BORCS5: variants seen among roughly 807,000 people sequenced by gnomAD.
The protein encoded by BORCS5 is BLOC-1-related complex subunit 5.
In BORCS5, 17 loss-of-function variants were observed where a neutral mutation model predicts 22.1. The observed-to-expected ratio is 0.77, with a 90% CI of 0.53 to 1.15. The LOEUF (loss-of-function observed/expected upper bound fraction) is 1.15. Ranked by LOEUF, BORCS5 falls within the 50% of genes most tolerant of loss-of-function variation. BORCS5 has a pLI of 0.00. For missense variants in BORCS5, 247 were observed against 253.2 expected (o/e 0.98, Z 0.17); for synonymous variants, 117 against 99.8 (o/e 1.17, Z -1.03).
intron 2 of BORCS5, among the ~76,000 whole-genome samples, chr12:12,385,899 T>C (rs2136050111): frequency 6.6e-6 from 1 of 151,592 alleles, no homozygotes; most frequent in Middle Eastern, 3.4e-3. Flanking sequence ...GAATTATGTT[T>C]GAATGGTATG....
chr12:12,426,780 T>A (rs866807238), intron 2 of BORCS5, among the ~76,000 whole-genome samples: 30 of 152,346 alleles, frequency 2.0e-4, no homozygotes, highest in Middle Eastern at 3.4e-3. Context: ...ATTGTCCAGA[T>A]TCACACAGCT....
intron 2 of BORCS5, among the ~76,000 whole-genome samples, chr12:12,422,392 TC>T (rs138511804): frequency 0.24 from 35,797 of 151,956 alleles, 4,728 homozygotes; most frequent in African/African-American, 0.37. Flanking sequence ...GGCAGGCAGA[TC>T]ACCTGAGGTC....
chr12:12,362,694 C>T (rs1393902865), intron 2 of BORCS5, among the ~76,000 whole-genome samples: 4 of 125,648 alleles, frequency 3.2e-5, no homozygotes, highest in African/African-American at 1.2e-4. Context: ...GGCTGGAGTG[C>T]AATGGCTTGA....
At chr12:12,412,251 T>C (rs532264578) in intron 2 of BORCS5, among the ~76,000 whole-genome samples, 1 of 152,306 alleles carries the variant, frequency 6.6e-6, no homozygotes, top group African/African-American at 2.4e-5. Flanking sequence ...TCAATGACTA[T>C]GGGGTGTCTT....
At chr12:12,431,988 C>G (rs1254076506) in intron 2 of BORCS5, among the ~76,000 whole-genome samples, 4 of 152,152 alleles carry the variant, frequency 2.6e-5, no homozygotes, top group African/African-American at 9.7e-5. Flanking sequence ...GCCACTGTGC[C>G]CAGCCTTATT....
At chr12:12,457,485 C>T (rs941477700) in intron 3 of BORCS5, among the ~76,000 whole-genome samples, 21 of 152,156 alleles carry the variant, frequency 1.4e-4, no homozygotes, top group East Asian at 5.8e-4. Context: ...CTGGCTAACA[C>T]GGTGAAACCC....
chr12:12,373,210 C>T (rs1038642973), intron 2 of BORCS5, among the ~76,000 whole-genome samples: 3 of 152,202 alleles, frequency 2.0e-5, no homozygotes, highest in Non-Finnish European at 2.9e-5. Flanking sequence ...CATTTGCAAA[C>T]CAGGAAGAGT....
intron 3 of BORCS5, among the ~76,000 whole-genome samples, chr12:12,464,728 GAGA>G (rs893790528): frequency 2.0e-5 from 3 of 152,134 alleles, no homozygotes; most frequent in Admixed American, 6.5e-5. Context: ...GTAAGGGGAA[GAGA>G]AGAAGTCACG....
chr12:12,421,117 T>A (rs1942111144), intron 2 of BORCS5, among the ~76,000 whole-genome samples: 1 of 152,182 alleles, frequency 6.6e-6, no homozygotes, highest in Non-Finnish European at 1.5e-5. Context: ...GGAGCATTCT[T>A]GTCTTGTGCC....
chr12:12,452,593 C>T (rs575725058), intron 3 of BORCS5: 5 of 326,050 alleles, frequency 1.5e-5, no homozygotes, highest in Non-Finnish European at 6.0e-6. Context: ...CCCTCCCGCA[C>T]GCCGGCAAGA....
intron 3 of BORCS5, among the ~76,000 whole-genome samples, chr12:12,463,203 G>A (rs1032727620): frequency 1.3e-5 from 2 of 152,192 alleles, no homozygotes; most frequent in South Asian, 2.1e-4. Context: ...CTGGGGGTTC[G>A]TGGAGTAAAG....
At chr12:12,441,331 G>T (rs2136133061) in intron 3 of BORCS5, among the ~76,000 whole-genome samples, 1 of 152,298 alleles carries the variant, frequency 6.6e-6, no homozygotes, top group Middle Eastern at 3.4e-3. Context: ...GTAAACTCCA[G>T]AGCCACACTG....
At position 12,357,492 on chromosome 12, in the gene BORCS5, A is replaced by G. The variant is rs200838324; in HGVS notation, c.41A>G (p.Asn14Ser). The change falls in exon 1 of 4, where the codon AAC becomes AGC. Residue 14 changes from asparagine to serine, a missense_variant. Asn to Ser is a conservative substitution (Grantham distance 46, BLOSUM62 1). Coordinates refer to ENST00000314565, the MANE Select transcript of BORCS5 (RefSeq NM_058169.6). ...AGCTCCGAGGCCGAGAGCCGACCCA[A>G]CGATCTGAACTCCTCAGGTCGGTGT... ...EQSSEAESRP[N>S]DLNSSVTPSP... The G allele has an allele frequency of 8.7e-6, 14 of 1,611,256 alleles. No individual in the cohort carries two copies. The highest frequency in any genetic ancestry group is 6.7e-5 in the African/African-American group (5 of 74,906).
intron 3 of BORCS5, among the ~76,000 whole-genome samples, chr12:12,459,001 G>A (rs1943053003): frequency 6.6e-6 from 1 of 151,686 alleles, no homozygotes; most frequent in African/African-American, 2.4e-5. Context: ...GAGAGAGATA[G>A]TCTCCTGCCT....
intron 2 of BORCS5, among the ~76,000 whole-genome samples, chr12:12,411,340 C>T (rs550931778): frequency 2.0e-5 from 3 of 152,150 alleles, no homozygotes; most frequent in South Asian, 2.1e-4. Flanking sequence ...TTGTCCATTC[C>T]GTATCACATT....
chr12:12,395,435 A>ATTTTTTTTTTTTTTTTTTT (rs59277387), intron 2 of BORCS5, among the ~76,000 whole-genome samples: 13 of 107,858 alleles, frequency 1.2e-4, no homozygotes, highest in Non-Finnish European at 1.4e-4. Flanking sequence ...CACCCAGCTA[A>ATTTTTTTTTTTTTTTTTTT]TTTTTTTTTT....
At chr12:12,380,321 T>A (rs925390098) in intron 2 of BORCS5, among the ~76,000 whole-genome samples, 2 of 151,220 alleles carry the variant, frequency 1.3e-5, no homozygotes, top group Admixed American at 6.6e-5. Context: ...AAGCACAATT[T>A]AAAAAAAATT....
chr12:12,441,293 C>T (rs933839538), intron 3 of BORCS5, among the ~76,000 whole-genome samples: 1 of 152,176 alleles, frequency 6.6e-6, no homozygotes, highest in African/African-American at 2.4e-5. Flanking sequence ...TTTGTATTTG[C>T]AGACAATTTG....
At chr12:12,419,829 A>T (rs1942068226) in intron 2 of BORCS5, among the ~76,000 whole-genome samples, 1 of 152,076 alleles carries the variant, frequency 6.6e-6, no homozygotes, top group Non-Finnish European at 1.5e-5. Context: ...GTTTTTTGGC[A>T]GCTTAGATGT....
Sources: allele counts gnomAD v4.1 joint callset (sites outside exome capture counted in the v4.1 genomes callset), GRCh38; gene constraint gnomAD v4.1.1; transcripts MANE v1.5; gene names NCBI Gene and HGNC (gene_info 2026-07-23, HGNC 2026-07-21).